Variants in PKHD1L1 observed in about 807,000 individuals in gnomAD.
The protein encoded by PKHD1L1 is PKHD1 like 1, also known as fibrocystin-L.
In PKHD1L1, 434 loss-of-function variants were observed where a neutral mutation model predicts 462.9. The ratio of observed to expected loss-of-function variants is 0.94; its 90% confidence interval spans 0.87 to 1.02. The LOEUF (loss-of-function observed/expected upper bound fraction) is 1.02. PKHD1L1 is among the 50% of genes least tolerant of loss of function. The pLI is 0.00. For synonymous variants in PKHD1L1, 1,781 were observed against 1,750.0 expected, an observed-to-expected ratio of 1.02 and a Z score of -0.44; for missense variants, 5,202 against 5,096.1, an observed-to-expected ratio of 1.02 and a Z score of -0.63.
chr8:109,525,140 C>G (rs1321026938), intron 76 of PKHD1L1, among the ~76,000 whole-genome samples: 1 of 152,108 alleles, frequency 6.6e-6, no homozygotes, highest in East Asian at 1.9e-4. Flanking sequence ...GAAGGAAATC[C>G]CCTTGCTGAT....
chr8:109,470,821 GA>G, intron 50 of PKHD1L1: 1 of 1,510,656 alleles, frequency 6.6e-7, no homozygotes, highest in Non-Finnish European at 9.1e-7. Flanking sequence ...AGTTGAAAAG[GA>G]AAACACACTA....
chr8:109,378,497 T>G (rs1258700697), intron 2 of PKHD1L1, among the ~76,000 whole-genome samples: 1 of 152,198 alleles, frequency 6.6e-6, no homozygotes, highest in African/African-American at 2.4e-5. Context: ...TCCTATTTCT[T>G]CTACTAAAAA....
chr8:109,492,063 A>G, intron 62 of PKHD1L1, 69 bp downstream of exon 62: 1 of 1,216,820 alleles, frequency 8.2e-7, no homozygotes, highest in Non-Finnish European at 1.1e-6. Context: ...ATCTAATAAA[A>G]TGAGCTAACT....
chr8:109,529,155 AC>A (rs1274068532), intron 77 of PKHD1L1, among the ~76,000 whole-genome samples: 1 of 152,202 alleles, frequency 6.6e-6, no homozygotes, highest in Non-Finnish European at 1.5e-5. Flanking sequence ...GACAAAACAA[AC>A]TGGAGGCTGA....
At chr8:109,416,202 C>T (rs1814161107) in intron 21 of PKHD1L1, among the ~76,000 whole-genome samples, 1 of 152,088 alleles carries the variant, frequency 6.6e-6, no homozygotes, top group Non-Finnish European at 1.5e-5. Context: ...TTCATATATT[C>T]CTTAGGTTCT....
At chr8:109,368,617 G>A (rs1811343053) in intron 2 of PKHD1L1, among the ~76,000 whole-genome samples, 1 of 152,094 alleles carries the variant, frequency 6.6e-6, no homozygotes. Context: ...CCATTGTTTT[G>A]AATGCTACAA....
intron 11 of PKHD1L1, among the ~76,000 whole-genome samples, 179 bp from the exon 12 acceptor site, chr8:109,398,280 G>C (rs1445850351): frequency 6.6e-6 from 1 of 152,092 alleles, no homozygotes; most frequent in Admixed American, 6.5e-5. Context: ...CTTTTTGGAA[G>C]TATGACAATT....
chr8:109,501,197 G>A (rs752882893), intron 67 of PKHD1L1, among the ~76,000 whole-genome samples: 2 of 152,152 alleles, frequency 1.3e-5, no homozygotes, highest in South Asian at 2.1e-4. Flanking sequence ...AAGTTGACAC[G>A]TCAGCTGTGC....
intron 14 of PKHD1L1, among the ~76,000 whole-genome samples, chr8:109,404,259 G>A (rs1231964572): frequency 6.6e-6 from 1 of 152,132 alleles, no homozygotes; most frequent in Non-Finnish European, 1.5e-5. Flanking sequence ...TATTTTTCAA[G>A]ATGTTGAGTA....
rs188649530 is a variant in PKHD1L1 at position 109,398,464 on chromosome 8, C to G, written c.928C>G (p.Pro310Ala). ...TGTATCTTGCTTCTCTATAGGTGAA[C>G]CTTGTGATATTTTGAATGTCACAGA... is the stretch of plus-strand genomic sequence containing the variant. ...FPVRVLVGGE[P>A]CDILNVTENS... Residue 310 changes from proline (P) to alanine (A), a missense_variant, in exon 12 of 78, where the codon CCT becomes GCT. This residue lies in a region of PKHD1L1 where 4,497 missense variants were observed against 4,336.8 expected (regional missense o/e 1.04). Transcript: ENST00000378402. The G allele has an allele frequency of 6.5e-7, 1 of 1,545,928 alleles. No individual in the cohort carries two copies. Among genetic ancestry groups the G allele is most frequent in the Non-Finnish European group, 8.8e-7 (1 of 1,136,918 alleles).
rs555501718 is a variant in PKHD1L1 at position 109,535,708 on chromosome 8, T to C, written c.*5618T>C. On this transcript the variant is annotated 3_prime_UTR_variant, in exon 78 of 78. Coordinates refer to ENST00000378402, the MANE Select transcript of PKHD1L1 (RefSeq NM_177531.6). The stretch of plus-strand genomic sequence containing the variant: ...ACTATGAAGAAGGTGTAACAATATT[T>C]ATATTAATCAGACAGCAAAGTAACA... Among the ~76,000 whole-genome samples, 1 of 152,324 alleles carries C rather than the reference T, an allele frequency of 6.6e-6. No homozygotes were observed. Among genetic ancestry groups the C allele is most frequent in the East Asian group, 1.9e-4 (1 of 5,192 alleles).
chr8:109,377,182 G>A lies in PKHD1L1; in HGVS notation c.164-4188G>A, dbSNP rs149282749. Reference sequence around the variant, plus strand: ...GTGAGCACATATTGTAGTAATGATTGCTTTGTTGAAACATTTTGAAAACTG... The same window carrying A: ...GTGAGCACATATTGTAGTAATGATTACTTTGTTGAAACATTTTGAAAACTG... On this transcript the variant is annotated intron_variant, in intron 2 of 77. Coordinates refer to ENST00000378402, the MANE Select transcript of PKHD1L1 (RefSeq NM_177531.6). Among the ~76,000 whole-genome samples, 454 of 152,272 alleles carry A rather than the reference G, an allele frequency of 3.0e-3. 2 individuals carry two copies. Among genetic ancestry groups the A allele is most frequent in the African/African-American group, 0.01 (429 of 41,550 alleles).
In PKHD1L1 at chr8:109,364,646, CTTTT is replaced by C. The variant is rs60902563; in HGVS notation, c.163+25_163+28del. On this transcript the variant is annotated intron_variant, in intron 2 of 77. Transcript: ENST00000378402. ...ACTATAAGAGGGGAAGGTATCGTTG[CTTTT>C]TTTTTTTTTTTTTTGCCAAGGTTGA... 7.7e-3 allele frequency: 7,781 copies of C among 1,008,996 alleles called. No homozygotes were observed. Among genetic ancestry groups the C allele is most frequent in the East Asian group, 9.8e-3 (342 of 34,900 alleles). 62.5% of individuals were successfully genotyped at this position (1,008,996 alleles called of 1,614,324 possible). A position where few individuals can be genotyped will look rare whatever the true frequency, so the allele number is the denominator to read the frequency against.
Position 109,476,515 on chromosome 8 carries a change from A to G in PKHD1L1, c.8765A>G (p.Asp2922Gly). The G allele has an allele frequency of 6.8e-7, 1 of 1,469,738 alleles. No homozygotes were observed. Among genetic ancestry groups the G allele is most frequent in the Non-Finnish European group, 9.3e-7 (1 of 1,076,534 alleles). 91.0% of individuals were successfully genotyped at this position (1,469,738 alleles called of 1,614,324 possible). A position where few individuals can be genotyped will look rare whatever the true frequency, so the allele number is the denominator to read the frequency against. ...TTCTATAAACTTTTATAGGAAGAAGACTATGTAATTATATCACATAACTTC... is the reference window on the plus strand; with the variant it reads ...TTCTATAAACTTTTATAGGAAGAAGGCTATGTAATTATATCACATAACTTC... Reference protein sequence around the residue: ...TSTFYGFKEEDYVIISHNFTQ... With the variant: ...TSTFYGFKEEGYVIISHNFTQ... The change falls in exon 52 of 78, where the codon GAC becomes GGC. Residue 2922 changes from aspartate to glycine, a missense_variant. Transcript: ENST00000378402.
intron 2 of PKHD1L1, among the ~76,000 whole-genome samples, chr8:109,380,633 T>C (rs1586390594): frequency 6.6e-6 from 1 of 152,226 alleles, no homozygotes; most frequent in Non-Finnish European, 1.5e-5. Context: ...GAATAAATGC[T>C]TCTTGCCATT....
At chr8:109,372,302 G>T (rs1811554032) in intron 2 of PKHD1L1, among the ~76,000 whole-genome samples, 1 of 152,114 alleles carries the variant, frequency 6.6e-6, no homozygotes, top group Admixed American at 6.6e-5. Flanking sequence ...TTGGCTCTCT[G>T]TTTGTCTGTT....
intron 30 of PKHD1L1, 135 bp downstream of exon 30, chr8:109,436,594 A>G (rs1815429742): frequency 1.5e-6 from 2 of 1,367,746 alleles, no homozygotes; most frequent in Admixed American, 6.2e-5. Context: ...TATGCTCCTT[A>G]AAACTTATTT....
At chr8:109,466,158 C>T (rs533918886) in intron 49 of PKHD1L1, among the ~76,000 whole-genome samples, 1 of 152,244 alleles carries the variant, frequency 6.6e-6, no homozygotes, top group South Asian at 2.1e-4. Flanking sequence ...TGTTTGGATG[C>T]CTTTGATATA....
intron 17 of PKHD1L1, among the ~76,000 whole-genome samples, chr8:109,407,282 G>A (rs1045184896): frequency 6.6e-6 from 1 of 152,076 alleles, no homozygotes; most frequent in Non-Finnish European, 1.5e-5. Flanking sequence ...GATTTTACAT[G>A]AATTTAAGTT....
Sources: allele counts gnomAD v4.1 joint callset (sites outside exome capture counted in the v4.1 genomes callset), GRCh38; gene constraint gnomAD v4.1.1; regional missense constraint gnomAD v4.1.1; transcripts MANE v1.5; gene names NCBI Gene and HGNC (gene_info 2026-07-23, HGNC 2026-07-21).